GNAO1: variants seen among roughly 807,000 people sequenced by gnomAD.
GNAO1 encodes the protein G protein subunit alpha o1.
For synonymous variants in GNAO1, 164 were observed against 180.7 expected, an observed-to-expected ratio of 0.91 and a Z score of 0.74; for missense variants, 166 against 478.7, an observed-to-expected ratio of 0.35 and a Z score of 6.10.
At chr16:56,323,353 A>C (rs1357734006) in intron 3 of GNAO1, among the ~76,000 whole-genome samples, 1 of 152,198 alleles carries the variant, frequency 6.6e-6, no homozygotes, top group Non-Finnish European at 1.5e-5. Context: ...AATTGATTTA[A>C]GTATTAAGAA....
At chr16:56,343,840 A>G in intron 6 of GNAO1, 1 of 1,613,880 alleles carries the variant, frequency 6.2e-7, no homozygotes, top group Non-Finnish European at 8.5e-7. Context: ...CCACAAAGAG[A>G]TCTACACCCA....
intron 2 of GNAO1, among the ~76,000 whole-genome samples, chr16:56,212,023 A>G (rs1235886137): frequency 6.6e-6 from 1 of 152,224 alleles, no homozygotes; most frequent in Non-Finnish European, 1.5e-5. Flanking sequence ...TGGATCTGAA[A>G]TGTGAGTGTG....
At chr16:56,312,218 G>A (rs1300553061) in intron 3 of GNAO1, among the ~76,000 whole-genome samples, 2 of 152,202 alleles carry the variant, frequency 1.3e-5, no homozygotes, top group Admixed American at 6.5e-5. Context: ...GGCGGCTGGC[G>A]TTCAATCCCA....
intron 2 of GNAO1, among the ~76,000 whole-genome samples, chr16:56,196,721 T>G (rs1375652768): frequency 6.6e-6 from 1 of 152,214 alleles, no homozygotes; most frequent in African/African-American, 2.4e-5. Context: ...CCATGAGGCA[T>G]TGCATGCTAG....
intron 3 of GNAO1, among the ~76,000 whole-genome samples, chr16:56,281,926 C>A (rs529251583): frequency 2.6e-5 from 4 of 152,148 alleles, no homozygotes; most frequent in Non-Finnish European, 4.4e-5. Flanking sequence ...GTAAAATATA[C>A]GTGTGTATGT....
chr16:56,280,333 A>G (rs1305692350), intron 3 of GNAO1, among the ~76,000 whole-genome samples: 1 of 152,196 alleles, frequency 6.6e-6, no homozygotes, highest in African/African-American at 2.4e-5. Flanking sequence ...CATGGTTGGT[A>G]ATGAGGGAAA....
intron 3 of GNAO1, among the ~76,000 whole-genome samples, chr16:56,289,093 C>A (rs1389778291): frequency 1.3e-5 from 2 of 152,064 alleles, no homozygotes; most frequent in Non-Finnish European, 2.9e-5. Flanking sequence ...CACCTGTGTT[C>A]AATTGAAGAC....
At chr16:56,224,519 C>G (rs558637858) in intron 2 of GNAO1, among the ~76,000 whole-genome samples, 1 of 152,220 alleles carries the variant, frequency 6.6e-6, no homozygotes, top group East Asian at 1.9e-4. Flanking sequence ...ACTCTGTCAC[C>G]CAGGCTGGAG....
intron 3 of GNAO1, among the ~76,000 whole-genome samples, chr16:56,328,377 T>TG (rs1222205141): frequency 6.6e-6 from 1 of 152,136 alleles, no homozygotes; most frequent in East Asian, 1.9e-4. Flanking sequence ...CAGAAAACTC[T>TG]GGGGCCCCAT....
chr16:56,304,115 C>G (rs556892388), intron 3 of GNAO1, among the ~76,000 whole-genome samples: 1 of 152,336 alleles, frequency 6.6e-6, no homozygotes, highest in East Asian at 1.9e-4. Flanking sequence ...GGTATAGGAG[C>G]CCAGCATCCA....
intron 2 of GNAO1, chr16:56,193,735 T>G (rs898894661): frequency 4.5e-6 from 1 of 223,752 alleles, no homozygotes; most frequent in Non-Finnish European, 9.1e-6. Context: ...GGGGAGGGGG[T>G]GGCCGGCAGC....
At chr16:56,205,423 C>T (rs1259104347) in intron 2 of GNAO1, among the ~76,000 whole-genome samples, 2 of 152,158 alleles carry the variant, frequency 1.3e-5, no homozygotes, top group Non-Finnish European at 2.9e-5. Flanking sequence ...CACCAGTGGG[C>T]AAGGGCAGGA....
At chr16:56,288,642 C>T (rs956244877) in intron 3 of GNAO1, among the ~76,000 whole-genome samples, 5 of 152,178 alleles carry the variant, frequency 3.3e-5, no homozygotes, top group African/African-American at 7.2e-5. Context: ...GAGTGGCCAG[C>T]GTGGGGGCCG....
At chr16:56,271,846 A>G (rs2037020997) in intron 2 of GNAO1, among the ~76,000 whole-genome samples, 1 of 152,216 alleles carries the variant, frequency 6.6e-6, no homozygotes, top group African/African-American at 2.4e-5. Context: ...GAGGAAACCG[A>G]GGCTCAGGAG....
At chr16:56,192,660 A>C (rs746466726) in intron 2 of GNAO1, 44 bp downstream of exon 2, 15 of 1,270,302 alleles carry the variant, frequency 1.2e-5, no homozygotes, top group Middle Eastern at 3.7e-4. Flanking sequence ...ATTAAGAATA[A>C]TTTTTAAATC....
At chr16:56,208,879 G>GT (rs2036357850) in intron 2 of GNAO1, among the ~76,000 whole-genome samples, 1 of 151,580 alleles carries the variant, frequency 6.6e-6, no homozygotes, top group Admixed American at 6.6e-5. Flanking sequence ...AGTCTTTTTT[G>GT]TTTTTTTGTT....
chr16:56,192,061 G>A lies in GNAO1; in HGVS notation c.-175G>A. On this transcript the variant is annotated 5_prime_UTR_variant, in exon 1 of 9. Coordinates refer to ENST00000262493, the MANE Select transcript of GNAO1 (RefSeq NM_020988.3). ...TCTCCGCTGCTGGAATCTTGTTAGCGGCTGTCTTTTTGGAGGGTTCTGGTT... is the reference window on the plus strand; with the variant it reads ...TCTCCGCTGCTGGAATCTTGTTAGCAGCTGTCTTTTTGGAGGGTTCTGGTT... 1 of 586,972 alleles carries A rather than the reference G, an allele frequency of 1.7e-6. No individual in the cohort carries two copies. The allele number at this position is 586,972 out of a possible 1,614,324, so 36.4% of individuals were successfully genotyped here.
intron 2 of GNAO1, among the ~76,000 whole-genome samples, chr16:56,203,734 C>T (rs767078163): frequency 2.0e-5 from 3 of 152,150 alleles, no homozygotes; most frequent in East Asian, 1.9e-4. Context: ...ACCAAGATCA[C>T]GCTGACGAAA....
intron 2 of GNAO1, among the ~76,000 whole-genome samples, chr16:56,234,645 C>G (rs184040676): frequency 6.6e-5 from 10 of 152,306 alleles, no homozygotes; most frequent in Admixed American, 6.5e-4. Flanking sequence ...TGGTTTGCTT[C>G]TCAAATCCAG....
Sources: allele counts gnomAD v4.1 joint callset (sites outside exome capture counted in the v4.1 genomes callset), GRCh38; gene constraint gnomAD v4.1.1; transcripts MANE v1.5; gene names NCBI Gene and HGNC (gene_info 2026-07-23, HGNC 2026-07-21).